The following ELOA variants were observed in gnomAD, a reference collection of about 807,000 sequenced individuals.
ELOA encodes the protein elongin-A.
In ELOA, 15 loss-of-function variants were observed where a neutral mutation model predicts 85.2. The ratio of observed to expected loss-of-function variants is 0.18; its 90% CI spans 0.12 to 0.27. The LOEUF is 0.27. Among genes scored for constraint, ELOA ranks in the 10% least tolerant of loss-of-function variants. ELOA has a pLI of 1.00. For synonymous variants in ELOA, 348 were observed against 357.2 expected (o/e 0.97, Z 0.29); for missense variants, 769 against 952.7 (o/e 0.81, Z 2.54).
chr1:23,754,012 T>G, intron 5 of ELOA, 88 bp from the exon 6 acceptor site: 1 of 1,497,488 alleles, frequency 6.7e-7, no homozygotes, highest in Non-Finnish European at 9.0e-7. Context: ...GGATTGCCAT[T>G]GGGAAAGGGA....
intron 1 of ELOA, among the ~76,000 whole-genome samples, chr1:23,744,762 G>C (rs1186824347): frequency 6.6e-6 from 1 of 152,188 alleles, no homozygotes; most frequent in Non-Finnish European, 1.5e-5. Context: ...TCTGGCCGGG[G>C]CGGGCAGTTC....
intron 1 of ELOA, among the ~76,000 whole-genome samples, chr1:23,745,705 G>C (rs1644743207): frequency 6.6e-6 from 1 of 152,130 alleles, no homozygotes. Flanking sequence ...TGTTGGCCTT[G>C]TTCCTCTCAA....
chr1:23,745,332 A>G (rs936828739), intron 1 of ELOA, among the ~76,000 whole-genome samples: 1 of 152,306 alleles, frequency 6.6e-6, no homozygotes, highest in African/African-American at 2.4e-5. Context: ...GTGCCATATA[A>G]TAACTACCCA....
intron 10 of ELOA, among the ~76,000 whole-genome samples, chr1:23,758,836 G>C (rs535282471): frequency 3.3e-5 from 5 of 151,914 alleles, no homozygotes; most frequent in Admixed American, 6.6e-5. Flanking sequence ...GGACAGATTG[G>C]GGGTAGACGT....
rs866224989 is a variant in ELOA at position 23,760,809 on chromosome 1, C to G, written c.*1236C>G. The G allele has an allele frequency of 6.6e-6, 1 of 152,232 alleles. No homozygotes were observed. 9.4% of individuals were successfully genotyped at this position (152,232 alleles called of 1,614,324 possible). On this transcript the variant is annotated 3_prime_UTR_variant, in exon 11 of 11. Coordinates refer to ENST00000613537, the MANE Select transcript of ELOA (RefSeq NM_003198.3). ...ATGGGGGAAACCACATGGGATCCAT[C>G]AAGTTCCAGTTGAACAGGAGCAAGA... is the stretch of plus-strand genomic sequence containing the variant.
At chr1:23,743,700 G>C in intron 1 of ELOA, 122 bp downstream of exon 1, 1 of 1,195,872 alleles carries the variant, frequency 8.4e-7, no homozygotes, top group East Asian at 3.2e-5. Context: ...CGCGGGGCTG[G>C]GGTCGTGAAG....
At position 23,759,702 on chromosome 1, in the gene ELOA, G is replaced by A; in HGVS notation, c.*129G>A. 1 of 1,044,674 alleles carries A rather than the reference G, an allele frequency of 9.6e-7. No individual in the cohort carries two copies. Among genetic ancestry groups the A allele is most frequent in the South Asian group, 1.4e-5 (1 of 69,530 alleles). The allele number at this position is 1,044,674 out of a possible 1,614,324, so 64.7% of individuals were successfully genotyped here. On this transcript the variant is annotated 3_prime_UTR_variant, in exon 11 of 11. Transcript: ENST00000613537. The stretch of plus-strand genomic sequence containing the variant: ...ATCCTTTTGGTCTCCGAGTCCTGCA[G>A]TCTGCAGGTGCTGCCCCTGGGAACC...
Position 23,758,188 on chromosome 1 carries a change from T to A in ELOA, c.2257+1063T>A, listed in dbSNP as rs115376762. On this transcript the variant is annotated intron_variant, in intron 10 of 10. Transcript: ENST00000613537. ...ATGACAGGCCCTCTTACTGTTTTTT[T>A]ATAGTCTTATAACTCTAGCTTCCAA... Among the ~76,000 whole-genome samples the A allele has an allele frequency of 8.2e-3, 1,243 of 151,540 alleles. 15 individuals are homozygous for A. The highest frequency in any genetic ancestry group is 0.027 in the Middle Eastern group (8 of 294).
At chr1:23,752,547 T>C (rs748760726) in intron 5 of ELOA, 29 bp downstream of exon 5, 32 of 1,595,716 alleles carry the variant, frequency 2.0e-5, no homozygotes, top group Non-Finnish European at 2.7e-5. Flanking sequence ...TTTTTCTTAA[T>C]GGGAAAAAGA....
intron 10 of ELOA, among the ~76,000 whole-genome samples, chr1:23,758,247 A>ATTTTTTTT (rs1338294015): frequency 5.3e-5 from 3 of 56,782 alleles, no homozygotes; most frequent in East Asian, 7.1e-4. Context: ...GGGTCTTCCA[A>ATTTTTTTT]TTTATTTATT....
chr1:23,759,376 G>C, intron 10 of ELOA, 136 bp from the exon 11 acceptor site: 1 of 795,630 alleles, frequency 1.3e-6, no homozygotes, highest in Non-Finnish European at 2.1e-6. Context: ...TGTGAACAGA[G>C]GAGATAGTTA....
At chr1:23,752,672 G>A (rs886928390) in intron 5 of ELOA, among the ~76,000 whole-genome samples, 154 bp downstream of exon 5, 6 of 152,112 alleles carry the variant, frequency 3.9e-5, no homozygotes, top group Non-Finnish European at 5.9e-5. Flanking sequence ...ACCAGGCGTG[G>A]TGGCTCACTC....
chr1:23,748,915 A>G (rs1485890471), intron 1 of ELOA, 106 bp from the exon 2 acceptor site: 3 of 829,862 alleles, frequency 3.6e-6, no homozygotes, highest in African/African-American at 3.4e-5. Flanking sequence ...AAATAGGCAT[A>G]ATACTTATAC....
At chr1:23,754,554 A>G in intron 7 of ELOA, 94 bp downstream of exon 7, 2 of 973,544 alleles carry the variant, frequency 2.1e-6, no homozygotes, top group Non-Finnish European at 3.2e-6. Flanking sequence ...GCTGAAGGGC[A>G]GATCAGTGGT....
chr1:23,750,909 C>G lies in ELOA; in HGVS notation c.304C>G (p.Leu102Val). The stretch of plus-strand genomic sequence containing the variant: ...TTCCCGAAAGCGCCCTCGGGATGCC[C>G]TGCAGAAGGAGGAGGAGATGGAGGG... Reference protein sequence around the residue: ...SNSRKRPRDALQKEEEMEGDY... With the variant: ...SNSRKRPRDAVQKEEEMEGDY... The change falls in exon 4 of 11, where the codon CTG becomes GTG. Residue 102 changes from leucine (L) to valine (V), a missense_variant. This residue lies in a region of ELOA where 440 missense variants were observed against 474.0 expected (regional missense o/e 0.93). Coordinates refer to ENST00000613537, the MANE Select transcript of ELOA (RefSeq NM_003198.3). The G allele has an allele frequency of 6.2e-7, 1 of 1,613,572 alleles. No individual in the cohort carries two copies. Among genetic ancestry groups the G allele is most frequent in the Non-Finnish European group, 8.5e-7 (1 of 1,179,852 alleles).
intron 2 of ELOA, 48 bp from the exon 3 acceptor site, chr1:23,749,794 G>C: frequency 1.3e-6 from 2 of 1,528,246 alleles, no homozygotes; most frequent in Non-Finnish European, 1.8e-6. Context: ...TTAGAAAAAC[G>C]TTAGCCTAGT....
Position 23,751,784 on chromosome 1 carries a change from G to A in ELOA, c.1179G>A (p.Glu393=), listed in dbSNP as rs1557453994. Residue 393 remains glutamate, a synonymous_variant, in exon 4 of 11, where the codon GAG becomes GAA. Coordinates refer to ENST00000613537, the MANE Select transcript of ELOA (RefSeq NM_003198.3). The part of the protein sequence containing the change: ...KSLGSLPKVE[E]TDMEDEFEQP... ...TGGGCTCCCTCCCTAAAGTTGAGGA[G>A]ACAGATATGGAGGATGAATTCGAGC... is the stretch of plus-strand genomic sequence containing the variant. 1 of 1,614,204 alleles carries A rather than the reference G, an allele frequency of 6.2e-7. No individual in the cohort carries two copies. The highest frequency in any genetic ancestry group is 8.5e-7 in the Non-Finnish European group (1 of 1,180,050).
At chr1:23,745,826 G>T (rs1442438597) in intron 1 of ELOA, among the ~76,000 whole-genome samples, 2 of 152,200 alleles carry the variant, frequency 1.3e-5, no homozygotes, top group Non-Finnish European at 2.9e-5. Flanking sequence ...TATTAGCCAA[G>T]GGTTTGATTC....
chr1:23,751,223 A>G lies in ELOA; in HGVS notation c.618A>G (p.Ser206=). 6.2e-7 allele frequency: 1 copy of G among 1,614,192 alleles called. No homozygotes were observed. Among genetic ancestry groups the G allele is most frequent in the Middle Eastern group, 1.6e-4 (1 of 6,062 alleles). ...AGGAGGACCAGGAGCCCATTGTTTC[A>G]CACCAGAAGCCTGGGAAAGGCCACA... ...SLEEDQEPIV[S]HQKPGKGHSN... The change falls in exon 4 of 11, where the codon TCA becomes TCG. Residue 206 remains serine (S), a synonymous_variant. Coordinates refer to ENST00000613537, the MANE Select transcript of ELOA (RefSeq NM_003198.3).
Sources: gnomAD v4.1 joint callset for allele counts (sites outside exome capture counted in the v4.1 genomes callset) on GRCh38, gnomAD v4.1.1 for gene constraint, gnomAD v4.1.1 regional missense constraint, MANE v1.5 for transcripts, NCBI Gene and HGNC (gene_info 2026-07-23, HGNC 2026-07-21) for gene names.